Variants in FYCO1 observed in about 807,000 individuals in gnomAD.
The protein encoded by FYCO1 is FYVE and coiled-coil domain autophagy adaptor 1.
FYCO1 carries 122 observed loss-of-function variants against 165.1 expected under a neutral mutation model. That is an observed-to-expected ratio of 0.74 (90% confidence interval 0.64 to 0.86). The LOEUF is 0.86. Among genes scored for constraint, FYCO1 ranks in the 40% least tolerant of loss-of-function variants. The pLI is 0.00. For synonymous variants in FYCO1, 648 were observed against 742.5 expected, an observed-to-expected ratio of 0.87 and a Z score of 2.07; for missense variants, 1,702 against 1,810.3, an observed-to-expected ratio of 0.94 and a Z score of 1.09.
chr3:45,967,877 T>C lies in FYCO1; in HGVS notation c.1457A>G (p.Glu486Gly). ...LLAHTSSWEE[E>G]LAELRREKKQ... ...TTTCTCCCGCCTCAACTCTGCTAGC[T>C]CCTCCTCCCAGGAGCTCGTGTGGGC... Residue 486 changes from glutamate (E) to glycine (G), a missense_variant, in exon 8 of 18, where the codon GAG becomes GGG. By Grantham distance (98) the Glu-to-Gly change is moderately conservative. Coordinates refer to ENST00000296137, the MANE Select transcript of FYCO1 (RefSeq NM_024513.4). 1.2e-6 allele frequency: 2 copies of C among 1,614,034 alleles called. No individual in the cohort carries two copies. The highest frequency in any genetic ancestry group is 1.7e-6 in the Non-Finnish European group (2 of 1,180,004).
At chr3:45,970,494 A>G (rs17078485) in intron 6 of FYCO1, among the ~76,000 whole-genome samples, 2,657 of 152,330 alleles carry the variant, frequency 0.017, 75 homozygotes, top group African/African-American at 0.061. Flanking sequence ...GAAAAAGGGA[A>G]ACCAAACAAA....
At chr3:45,994,050 C>G (rs1392837446) in intron 1 of FYCO1, among the ~76,000 whole-genome samples, 1 of 152,104 alleles carries the variant, frequency 6.6e-6, no homozygotes, top group Non-Finnish European at 1.5e-5. Context: ...GGTGATTCCT[C>G]TCATCACAAA....
chr3:45,966,509 C>T lies in FYCO1; in HGVS notation c.2825G>A (p.Arg942Lys), dbSNP rs781702779. The T allele has an allele frequency of 4.3e-6, 7 of 1,612,830 alleles. No individual in the cohort carries two copies. In the African/African-American group the frequency reaches 5.3e-5, roughly 12 times the overall value. Residue 942 changes from arginine (R) to lysine (K), a missense_variant, in exon 8 of 18, where the codon AGG becomes AAG. By Grantham distance (26) the Arg-to-Lys change is conservative. Transcript: ENST00000296137. The stretch of plus-strand genomic sequence containing the variant: ...TTGGCGCTCCAGGCCCTCTCGCTCC[C>T]TTGAGGCTGCCTCTTTGGCGTCCTG... ...ELQDAKEAAS[R>K]EREGLERQVA... is the part of the protein sequence containing the mutation.
intron 13 of FYCO1, among the ~76,000 whole-genome samples, chr3:45,958,112 C>G (rs189736236): frequency 6.6e-6 from 1 of 152,198 alleles, no homozygotes; most frequent in Non-Finnish European, 1.5e-5. Context: ...CTCTGGTAGA[C>G]GGCATTCTCC....
chr3:45,955,308 G>A lies in FYCO1; in HGVS notation c.3885C>T (p.Gly1295=), dbSNP rs1038306395. The change falls in exon 14 of 18, where the codon GGC becomes GGT. Residue 1295 remains glycine (G), a synonymous_variant. Transcript: ENST00000296137. ...DEELCQIQES[G]SSLPETPTET... is the part of the protein sequence containing the mutation. ...CAGTGGGTGTTTCAGGCAAAGAGGA[G>A]CCGGACTCCTGTATCTGGCACAATT... is the stretch of plus-strand genomic sequence containing the variant. The A allele has an allele frequency of 3.1e-6, 5 of 1,614,164 alleles. No homozygotes were observed. The highest frequency in any genetic ancestry group is 4.2e-6 in the Non-Finnish European group (5 of 1,180,020).
At chr3:45,940,946 C>T (rs949822773) in intron 14 of FYCO1, 1 of 152,184 alleles carries the variant, frequency 6.6e-6, no homozygotes, top group Non-Finnish European at 1.5e-5. Context: ...AACCCCTGTA[C>T]GCGGTTTCCT....
In FYCO1 at chr3:45,936,522, T is replaced by C. The variant is rs1251470092; in HGVS notation, c.3966A>G (p.Leu1322=). Residue 1322 remains leucine, a synonymous_variant, in exon 15 of 18, where the codon CTA becomes CTG. Coordinates refer to ENST00000296137, the MANE Select transcript of FYCO1 (RefSeq NM_024513.4). The stretch of plus-strand genomic sequence containing the variant: ...GCATGTCTTCAGTGTCCTCAGGCGT[T>C]AGCGAGGTTGATGTAGTATCCCTGA... The part of the protein sequence containing the change: ...AAEQDTTSTS[L]TPEDTEDMPV... The C allele has an allele frequency of 1.2e-6, 2 of 1,613,260 alleles. No individual in the cohort carries two copies. Among genetic ancestry groups the C allele is most frequent in the African/African-American group, 2.7e-5 (2 of 75,034 alleles).
rs1707669309 is a variant in FYCO1, at chr3:45,993,859, T to C, written c.-113+1863A>G. Reference sequence around the variant, plus strand: ...AGTCACCAAAGCTGTGTCTTTGGAATCTTCAGTAAACAAAAGTTACCTATC... The same window carrying C: ...AGTCACCAAAGCTGTGTCTTTGGAACCTTCAGTAAACAAAAGTTACCTATC... On this transcript the variant is annotated intron_variant, in intron 1 of 17. Transcript: ENST00000296137. This position sits in a 1 kb window ranked among gnomAD's most constrained non-coding sequence, Gnocchi z 4.4. Among the ~76,000 whole-genome samples, 2 of 152,042 alleles carry C rather than the reference T, an allele frequency of 1.3e-5. No individual in the cohort carries two copies. The highest frequency in any genetic ancestry group is 2.9e-5 in the Non-Finnish European group (2 of 68,006).
intron 14 of FYCO1, among the ~76,000 whole-genome samples, chr3:45,938,834 T>G (rs1476207598): frequency 6.6e-6 from 1 of 152,192 alleles, no homozygotes; most frequent in African/African-American, 2.4e-5. Context: ...ACATGCAAAC[T>G]AGGTAGCCGT....
intron 14 of FYCO1, among the ~76,000 whole-genome samples, chr3:45,951,927 G>T (rs1379758442): frequency 6.6e-6 from 1 of 152,240 alleles, no homozygotes; most frequent in African/African-American, 2.4e-5. Flanking sequence ...ATGTGCGAAA[G>T]AGAGAACATG....
chr3:45,973,783 C>T (rs1488156976), intron 5 of FYCO1, among the ~76,000 whole-genome samples: 1 of 152,200 alleles, frequency 6.6e-6, no homozygotes, highest in Non-Finnish European at 1.5e-5. Context: ...TGCATCAGAA[C>T]ACAGTCGCTC....
chr3:45,927,943 C>T (rs1020025982), intron 16 of FYCO1, among the ~76,000 whole-genome samples: 10 of 152,362 alleles, frequency 6.6e-5, no homozygotes, highest in East Asian at 3.9e-4. Flanking sequence ...GATTAATGTG[C>T]GTTCTTGAAA....
chr3:45,956,073 T>C (rs1191285300), intron 13 of FYCO1, among the ~76,000 whole-genome samples: 1 of 152,204 alleles, frequency 6.6e-6, no homozygotes, highest in Non-Finnish European at 1.5e-5. Flanking sequence ...CTGTGGCTCA[T>C]GCCTATAATC....
At chr3:45,939,041 G>A (rs932508907) in intron 14 of FYCO1, among the ~76,000 whole-genome samples, 5 of 152,204 alleles carry the variant, frequency 3.3e-5, no homozygotes, top group African/African-American at 1.2e-4. Context: ...CACTGCCCAC[G>A]CGGCTTTCCT....
chr3:45,955,543 C>A, intron 13 of FYCO1, 150 bp from the exon 14 acceptor site: 1 of 906,470 alleles, frequency 1.1e-6, no homozygotes, highest in Non-Finnish European at 1.8e-6. Context: ...GACAGCTATT[C>A]TGTCCAGAGT....
intron 13 of FYCO1, among the ~76,000 whole-genome samples, chr3:45,957,941 C>A (rs1181276447): frequency 6.6e-6 from 1 of 152,254 alleles, no homozygotes; most frequent in Non-Finnish European, 1.5e-5. Context: ...GCAGCAGAAC[C>A]CAAACTCTAC....
chr3:45,966,632 G>A lies in FYCO1; in HGVS notation c.2702C>T (p.Ala901Val), dbSNP rs773332503. 3.7e-5 allele frequency: 60 copies of A among 1,614,018 alleles called. No homozygotes were observed. Among genetic ancestry groups the A allele is most frequent in the Non-Finnish European group, 4.9e-5 (58 of 1,180,054 alleles). The stretch of plus-strand genomic sequence containing the variant: ...GCCCAGCTCAGCTGTGTCTGTGTTG[G>A]CCCGGTGCAGCTGCTCTTGCAGCTC... ...HAELQEQLHRANTDTAELGIQ... is the reference protein window; with the variant it reads ...HAELQEQLHRVNTDTAELGIQ... Residue 901 changes from alanine to valine, a missense_variant, in exon 8 of 18, where the codon GCC becomes GTC. Coordinates refer to ENST00000296137, the MANE Select transcript of FYCO1 (RefSeq NM_024513.4).
rs755224087 is a variant in FYCO1 at position 45,966,655 on chromosome 3, C to T, written c.2679G>A (p.Glu893=). The part of the protein sequence containing the change: ...SSEEAQLEHA[E]LQEQLHRANT... ...TGGCCCGGTGCAGCTGCTCTTGCAG[C>T]TCAGCGTGCTCCAGCTGTGCTTCCT... is the stretch of plus-strand genomic sequence containing the variant. Residue 893 remains glutamate, a synonymous_variant, in exon 8 of 18, where the codon GAG becomes GAA. Coordinates refer to ENST00000296137, the MANE Select transcript of FYCO1 (RefSeq NM_024513.4). 6 of 1,614,034 alleles carry T rather than the reference C, an allele frequency of 3.7e-6. No homozygotes were observed. In the East Asian group the frequency reaches 8.9e-5, roughly 24 times the overall value.
chr3:45,991,828 A>G (rs930690204), intron 1 of FYCO1, among the ~76,000 whole-genome samples: 2 of 152,220 alleles, frequency 1.3e-5, no homozygotes, highest in Non-Finnish European at 2.9e-5. Context: ...CTCATACCTC[A>G]GAATGTGACT....
Sources: gnomAD v4.1 joint callset for allele counts (sites outside exome capture counted in the v4.1 genomes callset) on GRCh38, gnomAD v4.1.1 for gene constraint, Gnocchi (gnomAD v3.1) non-coding constraint, MANE v1.5 for transcripts, NCBI Gene and HGNC (gene_info 2026-07-23, HGNC 2026-07-21) for gene names.